Variants in FAM193A observed in about 807,000 individuals in gnomAD.
The protein encoded by FAM193A is protein FAM193A.
A neutral mutation model predicts 126.5 loss-of-function variants in FAM193A; 22 were observed. The ratio of observed to expected loss-of-function variants is 0.17; its 90% CI spans 0.12 to 0.25. FAM193A has a LOEUF of 0.25. FAM193A is among the 10% of genes least tolerant of loss of function. The probability of loss-of-function intolerance (pLI) is 1.00; values close to 1 mark genes in which losing one functional copy is unlikely to be tolerated. For missense variants in FAM193A, 1,675 were observed against 1,672.8 expected, an observed-to-expected ratio of 1.00 and a Z score of -0.02; for synonymous variants, 761 against 646.8, an observed-to-expected ratio of 1.18 and a Z score of -2.68.
intron 1 of FAM193A, among the ~76,000 whole-genome samples, chr4:2,574,266 G>A (rs1435063559): frequency 6.6e-6 from 1 of 152,046 alleles, no homozygotes; most frequent in Non-Finnish European, 1.5e-5. Context: ...TCTCTTCTGT[G>A]GAACATGGGG....
chr4:2,710,851 C>CTTTT (rs35045989), intron 19 of FAM193A, among the ~76,000 whole-genome samples: 8 of 116,294 alleles, frequency 6.9e-5, no homozygotes, highest in South Asian at 2.9e-4. Context: ...TCTGTGCTTT[C>CTTTT]TTTTTTTTTT....
chr4:2,588,447 G>A (rs1474259315), intron 1 of FAM193A, among the ~76,000 whole-genome samples: 1 of 152,164 alleles, frequency 6.6e-6, no homozygotes, highest in African/African-American at 2.4e-5. Flanking sequence ...ACTGTTTTAG[G>A]TCACTGGCTA....
At position 2,672,103 on chromosome 4, in the gene FAM193A, T is replaced by A; in HGVS notation, c.2080-18T>A. ...TATTGTTTCACTAAATAGGTATGTT[T>A]TTTTTCTTTCCTCTTAGGCTGAACA... is the stretch of plus-strand genomic sequence containing the variant. On this transcript the variant is annotated intron_variant, in intron 12 of 20. Transcript: ENST00000637812. 1 of 1,612,512 alleles carries A rather than the reference T, an allele frequency of 6.2e-7. No individual in the cohort carries two copies. The highest frequency in any genetic ancestry group is 8.5e-7 in the Non-Finnish European group (1 of 1,178,782).
At chr4:2,543,889 AAAAAAAC>A (rs1560430604) in intron 1 of FAM193A, among the ~76,000 whole-genome samples, 1 of 151,060 alleles carries the variant, frequency 6.6e-6, no homozygotes, top group African/African-American at 2.4e-5. Flanking sequence ...AAAAAAAAAA[AAAAAAAC>A]CAAAAAATTA....
chr4:2,711,696 C>A (rs536479480), intron 19 of FAM193A, among the ~76,000 whole-genome samples: 1 of 151,762 alleles, frequency 6.6e-6, no homozygotes, highest in Non-Finnish European at 1.5e-5. Flanking sequence ...TGCCTGTAAT[C>A]CCAGCACTTT....
chr4:2,674,994 A>G (rs185063744), intron 13 of FAM193A, among the ~76,000 whole-genome samples: 2 of 152,372 alleles, frequency 1.3e-5, no homozygotes, highest in African/African-American at 4.8e-5. Flanking sequence ...GAAATACTAC[A>G]TAAAATAAAA....
chr4:2,677,396 T>G (rs75690148), intron 13 of FAM193A, among the ~76,000 whole-genome samples: 2 of 151,732 alleles, frequency 1.3e-5, no homozygotes, highest in African/African-American at 4.9e-5. Flanking sequence ...GTTTGGTGGG[T>G]TTTTTTGTTG....
intron 1 of FAM193A, among the ~76,000 whole-genome samples, chr4:2,592,509 T>G (rs1361412377): frequency 6.6e-6 from 1 of 152,200 alleles, no homozygotes; most frequent in Admixed American, 6.5e-5. Context: ...CAAAAAAATG[T>G]ACCAAGTAGT....
At chr4:2,723,254 A>G (rs1010560010) in intron 20 of FAM193A, among the ~76,000 whole-genome samples, 1 of 151,892 alleles carries the variant, frequency 6.6e-6, no homozygotes, top group Non-Finnish European at 1.5e-5. Flanking sequence ...AGCCTGGGCA[A>G]CAGAGCGAGA....
intron 1 of FAM193A, among the ~76,000 whole-genome samples, chr4:2,560,452 T>G (rs1189066236): frequency 6.6e-6 from 1 of 152,210 alleles, no homozygotes; most frequent in East Asian, 1.9e-4. Flanking sequence ...TGTGGCCTGC[T>G]TGGCACATAG....
chr4:2,589,467 T>G (rs990424352), intron 1 of FAM193A, among the ~76,000 whole-genome samples: 13 of 152,222 alleles, frequency 8.5e-5, no homozygotes, highest in Non-Finnish European at 1.8e-4. Flanking sequence ...ATTAGCTATT[T>G]AAAAGGATGC....
At chr4:2,715,667 G>A (rs529516043) in intron 19 of FAM193A, among the ~76,000 whole-genome samples, 5 of 152,288 alleles carry the variant, frequency 3.3e-5, no homozygotes, top group African/African-American at 1.2e-4. Flanking sequence ...GGCAGTCCCT[G>A]GGCTTGCGTG....
intron 19 of FAM193A, among the ~76,000 whole-genome samples, chr4:2,710,036 G>A (rs768254526): frequency 8.6e-5 from 13 of 151,612 alleles, no homozygotes; most frequent in South Asian, 4.2e-4. Context: ...GATTATTTTC[G>A]CCTGTCATTT....
intron 19 of FAM193A, among the ~76,000 whole-genome samples, chr4:2,707,781 C>A (rs558448370): frequency 6.8e-6 from 1 of 147,660 alleles, no homozygotes; most frequent in African/African-American, 2.5e-5. Context: ...GGCGCAATCT[C>A]GGCTCACTGC....
intron 20 of FAM193A, among the ~76,000 whole-genome samples, chr4:2,725,473 AAAAG>A (rs1720631259): frequency 6.6e-6 from 1 of 150,802 alleles, no homozygotes; most frequent in Admixed American, 6.6e-5. Context: ...AAAAAAAAAA[AAAAG>A]TAATCACACC....
chr4:2,559,555 C>G (rs988928251), intron 1 of FAM193A, among the ~76,000 whole-genome samples: 1 of 152,194 alleles, frequency 6.6e-6, no homozygotes, highest in Non-Finnish European at 1.5e-5. Context: ...CTTGGTCTCC[C>G]AAAGTGCTGG....
intron 19 of FAM193A, among the ~76,000 whole-genome samples, chr4:2,708,678 G>A (rs1718585342): frequency 6.6e-6 from 1 of 152,028 alleles, no homozygotes; most frequent in Non-Finnish European, 1.5e-5. Flanking sequence ...GGCTAGGCTG[G>A]TCTCGAACTC....
At chr4:2,712,051 T>C (rs1363713043) in intron 19 of FAM193A, among the ~76,000 whole-genome samples, 1 of 152,214 alleles carries the variant, frequency 6.6e-6, no homozygotes, top group African/African-American at 2.4e-5. Context: ...GTTTTTTTCA[T>C]TGTGATCAGA....
intron 6 of FAM193A, among the ~76,000 whole-genome samples, chr4:2,642,878 G>A (rs1219291612): frequency 2.0e-5 from 3 of 151,812 alleles, no homozygotes; most frequent in African/African-American, 7.3e-5. Flanking sequence ...GACTACAGGC[G>A]CCCGCCACCA....
Sources: allele counts gnomAD v4.1 joint callset (sites outside exome capture counted in the v4.1 genomes callset), GRCh38; gene constraint gnomAD v4.1.1; transcripts MANE v1.5; gene names NCBI Gene and HGNC (gene_info 2026-07-23, HGNC 2026-07-21).